Variants in XKR9 observed in about 807,000 individuals in gnomAD.
The protein encoded by XKR9 is XK-related protein 9.
XKR9 carries 32 observed loss-of-function variants against 32.0 expected under a neutral mutation model. The ratio of observed to expected loss-of-function variants is 1.00; its 90% CI spans 0.76 to 1.34. The LOEUF (loss-of-function observed/expected upper bound fraction) is 1.34, where lower values mean the gene tolerates loss of function less well. Ranked by LOEUF, XKR9 falls within the 40% of genes most tolerant of loss-of-function variation. XKR9 has a pLI of 0.00. For missense variants in XKR9, 546 were observed against 429.7 expected, an observed-to-expected ratio of 1.27 and a Z score of -2.39; for synonymous variants, 168 against 143.4, an observed-to-expected ratio of 1.17 and a Z score of -1.22.
chr8:70,671,004 C>G (rs1306250233), intron 1 of XKR9, among the ~76,000 whole-genome samples: 1 of 152,184 alleles, frequency 6.6e-6, no homozygotes, highest in African/African-American at 2.4e-5. Context: ...CACTCCCCTT[C>G]TTTTATTCTT....
chr8:70,803,951 G>T, the XKR9 span, among the ~76,000 whole-genome samples: 3 of 152,292 alleles, frequency 2.0e-5, no homozygotes, highest in Non-Finnish European at 4.4e-5. Flanking sequence ...CCAGTGGCAG[G>T]GATAGGTGGG....
chr8:70,709,979 C>T (rs1295833341), intron 4 of XKR9, among the ~76,000 whole-genome samples: 1 of 152,086 alleles, frequency 6.6e-6, no homozygotes, highest in East Asian at 1.9e-4. Flanking sequence ...CCCCAAATAG[C>T]CAAAGCAATC....
At chr8:70,740,749 T>C (rs951126674), downstream of XKR9, among the ~76,000 whole-genome samples, 1 of 152,248 alleles carries the variant, frequency 6.6e-6, no homozygotes, top group Admixed American at 6.5e-5. Flanking sequence ...CCTGTTTGCC[T>C]GTGTTCTAGC....
chr8:70,956,923 A>G, the XKR9 span, among the ~76,000 whole-genome samples: 2 of 152,144 alleles, frequency 1.3e-5, no homozygotes, highest in African/African-American at 4.8e-5. Context: ...GATGGCTGCA[A>G]CAGTGCCAGG....
the XKR9 span, among the ~76,000 whole-genome samples, chr8:71,062,256 A>C: frequency 6.6e-6 from 1 of 152,156 alleles, no homozygotes; most frequent in South Asian, 2.1e-4. Context: ...GCTATAAGAA[A>C]ATACCATCGA....
At chr8:71,053,132 G>A in the XKR9 span, among the ~76,000 whole-genome samples, 1 of 152,200 alleles carries the variant, frequency 6.6e-6, no homozygotes, top group African/African-American at 2.4e-5. Flanking sequence ...GTTCATGACA[G>A]CCTTCCAAAG....
the XKR9 span, among the ~76,000 whole-genome samples, chr8:71,051,526 GGGGT>G: frequency 0.43 from 44,741 of 104,880 alleles, 8,332 homozygotes; most frequent in Non-Finnish European, 0.53. Flanking sequence ...TGGTGGTGGT[GGGGT>G]GTGTGTGTGT....
the XKR9 span, among the ~76,000 whole-genome samples, chr8:70,886,478 A>G: frequency 1.3e-5 from 2 of 152,208 alleles, no homozygotes; most frequent in Non-Finnish European, 2.9e-5. Flanking sequence ...GTTTTCCACA[A>G]TGGTTGAACT....
chr8:70,790,018 C>G (rs1807744790), intron 3 of XKR9: 1 of 151,060 alleles, frequency 6.6e-6, no homozygotes, highest in Non-Finnish European at 1.5e-5. Flanking sequence ...TCACTGTGCT[C>G]ATTGTCCCAG....
intron 2 of XKR9, among the ~76,000 whole-genome samples, chr8:70,745,410 C>A (rs1807045279): frequency 6.6e-6 from 1 of 152,198 alleles, no homozygotes; most frequent in East Asian, 1.9e-4. Flanking sequence ...TAAAAGAACA[C>A]TCATATGCAC....
the XKR9 span, among the ~76,000 whole-genome samples, chr8:70,985,420 T>A: frequency 4.6e-5 from 7 of 152,224 alleles, no homozygotes; most frequent in African/African-American, 1.7e-4. Flanking sequence ...TTGATGGGCA[T>A]TTGGGTTGGT....
the XKR9 span, among the ~76,000 whole-genome samples, chr8:70,891,470 G>A: frequency 1.3e-5 from 2 of 151,754 alleles, no homozygotes; most frequent in Admixed American, 6.6e-5. Flanking sequence ...GTACCACATA[G>A]GTTTTGGTGT....
chr8:70,990,837 A>G, the XKR9 span, among the ~76,000 whole-genome samples: 9 of 152,178 alleles, frequency 5.9e-5, no homozygotes, highest in East Asian at 1.7e-3. Context: ...GAAACTTGGG[A>G]TCATTTCATC....
chr8:71,004,838 A>AT, the XKR9 span, among the ~76,000 whole-genome samples: 1 of 151,702 alleles, frequency 6.6e-6, no homozygotes, highest in Non-Finnish European at 1.5e-5. Context: ...CAATACCTTG[A>AT]TTTTTTTCTT....
chr8:71,002,721 C>T, the XKR9 span, among the ~76,000 whole-genome samples: 1 of 152,296 alleles, frequency 6.6e-6, no homozygotes, highest in Middle Eastern at 3.4e-3. Context: ...GAATGATGAT[C>T]ACCTAAGCTG....
chr8:70,864,449 C>T, the XKR9 span, among the ~76,000 whole-genome samples: 1 of 152,170 alleles, frequency 6.6e-6, no homozygotes, highest in African/African-American at 2.4e-5. Context: ...AATGAAATCT[C>T]ACATTTTCCC....
chr8:71,052,605 A>G, the XKR9 span, among the ~76,000 whole-genome samples: 2 of 152,182 alleles, frequency 1.3e-5, no homozygotes, highest in Non-Finnish European at 2.9e-5. Flanking sequence ...TCAGTATTCA[A>G]GCAGGCATGC....
At position 70,754,087 on chromosome 8, in the gene XKR9, G is replaced by A. The variant is rs1314603997; in HGVS notation, n.353-35252G>A. Among the ~76,000 whole-genome samples, 2 of 146,806 alleles carry A rather than the reference G, an allele frequency of 1.4e-5. 1 individual carries two copies. The highest frequency in any genetic ancestry group is 3.0e-5 in the Non-Finnish European group (2 of 66,888). The stretch of plus-strand genomic sequence containing the variant: ...CAAAGTCTCAGGATACAAAATCAAT[G>A]TACAAAACTCACAAGCATTCTTATA... On this transcript the variant is annotated intron_variant and non_coding_transcript_variant, in intron 2 of 3. Coordinates refer to the XKR9 transcript ENST00000520273.
chr8:70,705,853 C>A (rs887431662), intron 3 of XKR9, among the ~76,000 whole-genome samples: 6 of 152,046 alleles, frequency 3.9e-5, no homozygotes, highest in Non-Finnish European at 7.4e-5. Flanking sequence ...TTGAAAGAAT[C>A]CAGGCCAGAG....
Sources: gnomAD v4.1 joint callset for allele counts (sites outside exome capture counted in the v4.1 genomes callset) on GRCh38, gnomAD v4.1.1 for gene constraint, MANE v1.5 for transcripts, NCBI Gene and HGNC (gene_info 2026-07-23, HGNC 2026-07-21) for gene names.